Variants in ACACA observed in about 807,000 individuals in gnomAD.
ACACA encodes acetyl-CoA carboxylase alpha.
A neutral mutation model predicts 296.1 loss-of-function variants in ACACA; 103 were observed. That is an observed-to-expected ratio of 0.35 (90% CI 0.30 to 0.41). The LOEUF (loss-of-function observed/expected upper bound fraction) is 0.41, where lower values mean the gene tolerates loss of function less well. Ranked by LOEUF, ACACA falls within the 10% of genes least tolerant of loss-of-function variation. The pLI is 1.00. For missense variants in ACACA, 1,554 were observed against 2,989.7 expected, an observed-to-expected ratio of 0.52 and a Z score of 11.20; for synonymous variants, 953 against 1,038.6, an observed-to-expected ratio of 0.92 and a Z score of 1.58.
intron 1 of ACACA, among the ~76,000 whole-genome samples, chr17:37,363,033 C>T (rs918465957): frequency 6.1e-4 from 86 of 140,032 alleles, no homozygotes; most frequent in African/African-American, 2.1e-3. Context: ...ATTCCCAGCC[C>T]TTTTTTTTTT....
chr17:37,339,718 T>G (rs2048297739), intron 2 of ACACA, 86 bp downstream of exon 2: 1 of 882,560 alleles, frequency 1.1e-6, no homozygotes, highest in African/African-American at 1.6e-5. Flanking sequence ...AGTCAACTTT[T>G]AACACAAAAG....
At chr17:37,217,502 G>A (rs1478975992) in intron 29 of ACACA, among the ~76,000 whole-genome samples, 3 of 151,720 alleles carry the variant, frequency 2.0e-5, no homozygotes, top group Non-Finnish European at 2.9e-5. Context: ...TTGGGAGGCC[G>A]AGGTGGATGG....
intron 8 of ACACA, among the ~76,000 whole-genome samples, chr17:37,275,394 G>A (rs1387888862): frequency 6.6e-6 from 1 of 151,424 alleles, no homozygotes; most frequent in African/African-American, 2.4e-5. Context: ...CTACTCGGGA[G>A]GCTGAGGCAG....
In ACACA at chr17:37,130,135, A is replaced by G; in HGVS notation, c.5763T>C (p.Thr1921=). The G allele has an allele frequency of 6.2e-7, 1 of 1,614,170 alleles. No individual in the cohort carries two copies. Among genetic ancestry groups the G allele is most frequent in the Non-Finnish European group, 8.5e-7 (1 of 1,180,006 alleles). Residue 1921 remains threonine, a synonymous_variant, in exon 46 of 56, where the codon ACT becomes ACC. Coordinates refer to ENST00000616317, the MANE Select transcript of ACACA (RefSeq NM_198834.3). ...AAACCCCTTCAAAGTCATCACACAC[A>G]GTGCAGTGGGTCACCCCATTGTTGT... The part of the protein sequence containing the change: ...IMHNNGVTHC[T]VCDDFEGVFT...
intron 1 of ACACA, among the ~76,000 whole-genome samples, chr17:37,344,086 A>G (rs2048505788): frequency 6.6e-6 from 1 of 151,576 alleles, no homozygotes; most frequent in Non-Finnish European, 1.5e-5. Context: ...ACAAAAAAAT[A>G]AAAAGATAAA....
chr17:37,394,197 G>T (rs558501388), intron 1 of ACACA, among the ~76,000 whole-genome samples: 2 of 151,954 alleles, frequency 1.3e-5, no homozygotes, highest in South Asian at 4.2e-4. Context: ...GGAATTATTT[G>T]CTGTTTCTTT....
chr17:37,121,287 A>T (rs2074516395), intron 50 of ACACA, 68 bp downstream of exon 50: 1 of 1,607,722 alleles, frequency 6.2e-7, no homozygotes, highest in Non-Finnish European at 8.5e-7. Flanking sequence ...CTGAATCTAT[A>T]CCCTCCCTCT....
chr17:37,154,496 T>G (rs914903406), intron 43 of ACACA, among the ~76,000 whole-genome samples: 2 of 147,558 alleles, frequency 1.4e-5, no homozygotes, highest in African/African-American at 5.2e-5. Context: ...GACAATTAAC[T>G]TTTTTTTTTC....
At chr17:37,104,280 G>A (rs2073539771) in intron 52 of ACACA, among the ~76,000 whole-genome samples, 1 of 152,162 alleles carries the variant, frequency 6.6e-6, no homozygotes, top group African/African-American at 2.4e-5. Context: ...TCCTAAAAAT[G>A]CACACTTTTA....
intron 3 of ACACA, among the ~76,000 whole-genome samples, chr17:37,300,904 C>G (rs2083587171): frequency 6.6e-6 from 1 of 152,186 alleles, no homozygotes; most frequent in African/African-American, 2.4e-5. Context: ...GCCCTTCTAT[C>G]TTTACGTCTC....
chr17:37,185,943 T>C (rs1416204959), intron 39 of ACACA, among the ~76,000 whole-genome samples: 1 of 152,152 alleles, frequency 6.6e-6, no homozygotes, highest in Admixed American at 6.5e-5. Flanking sequence ...AAATCTCTTC[T>C]CCCCATTATG....
At chr17:37,246,576 G>A (rs1266367215) in intron 19 of ACACA, among the ~76,000 whole-genome samples, 1 of 152,024 alleles carries the variant, frequency 6.6e-6, no homozygotes, top group Non-Finnish European at 1.5e-5. Flanking sequence ...GGGTCTACAG[G>A]CATGTGCCAC....
chr17:37,210,535 G>A (rs780729561), intron 29 of ACACA, 45 bp from the exon 30 acceptor site: 3 of 1,582,148 alleles, frequency 1.9e-6, no homozygotes, highest in South Asian at 1.1e-5. Flanking sequence ...GTTAGTGAAA[G>A]CCATAATAAA....
At position 37,342,823 on chromosome 17, in the gene ACACA, C is replaced by T. The variant is rs116962403; in HGVS notation, c.39-2973G>A. Among the ~76,000 whole-genome samples, 1,410 of 151,778 alleles carry T rather than the reference C, an allele frequency of 9.3e-3. 11 individuals carry two copies. The highest frequency in any genetic ancestry group is 0.014 in the Non-Finnish European group (940 of 67,922). ...GGATGTGGTAGCACATGCCCATGGT[C>T]CCAGCTACTTGGGAGGCTGAAGTGG... On this transcript the variant is annotated intron_variant, in intron 1 of 55. Transcript: ENST00000616317.
intron 3 of ACACA, among the ~76,000 whole-genome samples, chr17:37,311,809 T>C (rs2084160885): frequency 6.7e-6 from 1 of 150,110 alleles, no homozygotes; most frequent in Admixed American, 6.7e-5. Flanking sequence ...GAGGTGGAGT[T>C]TGCAGTGAGC....
At chr17:37,112,113 C>T (rs1399790562) in intron 51 of ACACA, among the ~76,000 whole-genome samples, 2 of 150,182 alleles carry the variant, frequency 1.3e-5, no homozygotes, top group African/African-American at 2.5e-5. Flanking sequence ...TGTCAGTCTG[C>T]TTGTAGGACA....
chr17:37,268,741 C>CTATATATATA lies in ACACA; in HGVS notation c.1119+2000_1119+2009dup, dbSNP rs71368449. On this transcript the variant is annotated intron_variant, in intron 10 of 55. Coordinates refer to ENST00000616317, the MANE Select transcript of ACACA (RefSeq NM_198834.3). The stretch of plus-strand genomic sequence containing the variant: ...TCTATCTATCTATCTATCTATCTAT[C>CTATATATATA]TATATATATATATATATATATATAT... Among the ~76,000 whole-genome samples the CTATATATATA allele has an allele frequency of 4.0e-3, 379 of 94,470 alleles. 3 individuals carry two copies. Among genetic ancestry groups the CTATATATATA allele is most frequent in the African/African-American group, 5.2e-3 (129 of 24,892 alleles). 62.0% of individuals were successfully genotyped at this position (94,470 alleles called of 152,430 possible).
intron 1 of ACACA, among the ~76,000 whole-genome samples, chr17:37,340,318 G>T (rs1353211108): frequency 6.6e-6 from 1 of 152,202 alleles, no homozygotes; most frequent in Non-Finnish European, 1.5e-5. Context: ...AACTGTAAGG[G>T]ATCAAACAGT....
In ACACA at chr17:37,086,044, A is replaced by C. The variant is rs552551327; in HGVS notation, c.*1272T>G. On this transcript the variant is annotated 3_prime_UTR_variant, in exon 56 of 56. Transcript: ENST00000616317. Reference sequence around the variant, plus strand: ...TCTCCACCACCTGAGGAAGCCCCTGATGCCAGTCAGGAGGGGCCAGTAAGC... The same window carrying C: ...TCTCCACCACCTGAGGAAGCCCCTGCTGCCAGTCAGGAGGGGCCAGTAAGC... The C allele has an allele frequency of 5.3e-6, 2 of 378,520 alleles. No individual in the cohort carries two copies. The highest frequency in any genetic ancestry group is 7.6e-5 in the East Asian group (2 of 26,244). 23.4% of individuals were successfully genotyped at this position (378,520 alleles called of 1,614,324 possible). A position where few individuals can be genotyped will look rare whatever the true frequency, so the allele number is the denominator to read the frequency against.
Sources: gnomAD v4.1 joint callset for allele counts (sites outside exome capture counted in the v4.1 genomes callset) on GRCh38, gnomAD v4.1.1 for gene constraint, MANE v1.5 for transcripts, NCBI Gene and HGNC (gene_info 2026-07-23, HGNC 2026-07-21) for gene names.